AFF2: variants seen among roughly 807,000 people sequenced by gnomAD.
AFF2 encodes AF4/FMR2 family member 2.
A neutral mutation model predicts 76.9 loss-of-function variants in AFF2; 14 were observed. That is an observed-to-expected ratio of 0.18 (90% CI 0.12 to 0.28). The LOEUF is 0.28. Among genes scored for constraint, AFF2 ranks in the 10% least tolerant of loss-of-function variants. The pLI, the probability that AFF2 is intolerant of heterozygous loss-of-function variation, is 1.00. For synonymous variants in AFF2, 398 were observed against 366.7 expected (o/e 1.09, Z -0.98); for missense variants, 868 against 1,001.1 (o/e 0.87, Z 1.79).
chrX:148,796,980 A>G (rs782071495), intron 3 of AFF2, among the ~76,000 whole-genome samples: 1 of 112,436 alleles, frequency 8.9e-6, no homozygotes, highest in Non-Finnish European at 1.9e-5. Context: ...TATGTTTGGT[A>G]TTAAAAATTG....
At chrX:148,506,320 G>A (rs1240613879) in intron 1 of AFF2, among the ~76,000 whole-genome samples, 5 of 111,534 alleles carry the variant, frequency 4.5e-5, no homozygotes, top group African/African-American at 1.6e-4. Flanking sequence ...ATGTTCAGGG[G>A]TTCTTGCCAT....
intron 4 of AFF2, among the ~76,000 whole-genome samples, chrX:148,819,315 G>A (rs782266856): frequency 2.7e-5 from 3 of 111,155 alleles, no homozygotes; most frequent in South Asian, 3.8e-4. Flanking sequence ...GAGTGGGATC[G>A]CAGAGTCATA....
At chrX:148,708,463 C>G (rs888245291) in intron 3 of AFF2, among the ~76,000 whole-genome samples, 1 of 111,928 alleles carries the variant, frequency 8.9e-6, no homozygotes, top group South Asian at 3.7e-4. Context: ...AAAAAATCCC[C>G]AGCAGGTTAA....
chrX:148,676,743 T>C (rs1367080984), intron 3 of AFF2, among the ~76,000 whole-genome samples: 1 of 111,709 alleles, frequency 9.0e-6, no homozygotes, highest in Non-Finnish European at 1.9e-5. Flanking sequence ...TTTCCTGCAA[T>C]GTAAACCCAC....
chrX:148,765,649 G>T (rs1189103093), intron 3 of AFF2, among the ~76,000 whole-genome samples: 4 of 109,077 alleles, frequency 3.7e-5, no homozygotes, highest in Non-Finnish European at 7.6e-5. Context: ...ACCTTGTGAA[G>T]GTTGTAGATT....
At chrX:148,765,364 A>T (rs1256539818) in intron 3 of AFF2, among the ~76,000 whole-genome samples, 1 of 111,627 alleles carries the variant, frequency 9.0e-6, no homozygotes, top group African/African-American at 3.3e-5. Context: ...CATTAAATTC[A>T]TTCTGTCATA....
intron 9 of AFF2, among the ~76,000 whole-genome samples, chrX:148,932,718 T>G (rs979988598): frequency 2.7e-5 from 3 of 112,602 alleles, no homozygotes; most frequent in Non-Finnish European, 3.7e-5. Flanking sequence ...TAGGTTCTTT[T>G]GTTCCTGTTT....
chrX:148,948,112 C>T (rs1419261043), intron 9 of AFF2, among the ~76,000 whole-genome samples: 1 of 112,503 alleles, frequency 8.9e-6, no homozygotes, highest in Non-Finnish European at 1.9e-5. Context: ...CTGTTTATCT[C>T]CAGAGAAAGG....
chrX:148,579,753 A>T (rs1471991448), intron 1 of AFF2, among the ~76,000 whole-genome samples: 10 of 111,787 alleles, frequency 8.9e-5, no homozygotes, highest in African/African-American at 3.3e-4. Context: ...GTGACTGGAA[A>T]ACTCGTCATG....
intron 10 of AFF2, among the ~76,000 whole-genome samples, chrX:148,954,292 A>C (rs1364244699): frequency 3.6e-5 from 4 of 112,549 alleles, no homozygotes; most frequent in Non-Finnish European, 7.5e-5. Context: ...TACTAAAATA[A>C]TAATTTTGAA....
intron 3 of AFF2, among the ~76,000 whole-genome samples, chrX:148,767,023 A>T (rs1230988581): frequency 9.0e-6 from 1 of 111,266 alleles, no homozygotes; most frequent in Non-Finnish European, 1.9e-5. Context: ...AAGTCATTTC[A>T]TTTTAGGGAC....
At chrX:148,848,189 A>G (rs1172701164) in intron 7 of AFF2, among the ~76,000 whole-genome samples, 3 of 111,069 alleles carry the variant, frequency 2.7e-5, no homozygotes, top group Non-Finnish European at 5.7e-5. Flanking sequence ...ATGTAGTCCC[A>G]CAAGAAATTA....
intron 3 of AFF2, among the ~76,000 whole-genome samples, chrX:148,761,716 G>T (rs1218642881): frequency 9.0e-6 from 1 of 110,787 alleles, no homozygotes; most frequent in Non-Finnish European, 1.9e-5. Context: ...AATGTAAGCT[G>T]TGTGTCTTTT....
chrX:148,592,119 A>G, intron 1 of AFF2, among the ~76,000 whole-genome samples: 1 of 111,952 alleles, frequency 8.9e-6, no homozygotes. Context: ...AGCAGCTGCC[A>G]TGCACCCATG....
chrX:148,692,291 A>G (rs1392814138), intron 3 of AFF2, among the ~76,000 whole-genome samples: 3 of 112,178 alleles, frequency 2.7e-5, no homozygotes, highest in Non-Finnish European at 5.6e-5. Flanking sequence ...TTCAAGGAAT[A>G]ATACGTCTTA....
intron 7 of AFF2, among the ~76,000 whole-genome samples, chrX:148,851,955 C>G (rs782810796): frequency 1.8e-5 from 2 of 109,975 alleles, no homozygotes; most frequent in South Asian, 7.8e-4. Context: ...TAGCTTCCAC[C>G]TGTAAGTGAG....
At chrX:148,648,581 A>AG (rs2054170422) in intron 1 of AFF2, among the ~76,000 whole-genome samples, 1 of 107,778 alleles carries the variant, frequency 9.3e-6, no homozygotes, top group Non-Finnish European at 1.9e-5. Context: ...AAAAAAAAAA[A>AG]AAAAGAAAAG....
chrX:148,868,522 C>A (rs896133799), intron 7 of AFF2, among the ~76,000 whole-genome samples: 2 of 112,046 alleles, frequency 1.8e-5, no homozygotes, highest in African/African-American at 6.5e-5. Flanking sequence ...ATTTGAGTAA[C>A]TGACAAGATG....
intron 9 of AFF2, among the ~76,000 whole-genome samples, chrX:148,909,564 T>C (rs1003642977): frequency 5.4e-5 from 6 of 112,055 alleles, no homozygotes; most frequent in African/African-American, 1.6e-4. Context: ...TTATGCTCCA[T>C]ATAAAAAAGA....
Sources: allele counts gnomAD v4.1 joint callset (sites outside exome capture counted in the v4.1 genomes callset), GRCh38; gene constraint gnomAD v4.1.1; transcripts MANE v1.5; gene names NCBI Gene and HGNC (gene_info 2026-07-23, HGNC 2026-07-21).